ZNF366: variants seen among roughly 807,000 people sequenced by gnomAD.
The protein encoded by ZNF366 is zinc finger protein 366, also known as dendritic cell-specific transcript protein.
In ZNF366, 20 loss-of-function variants were observed where a neutral mutation model predicts 47.2. The observed-to-expected ratio is 0.42, with a 90% CI of 0.30 to 0.62. ZNF366 has a LOEUF of 0.62. Ranked by LOEUF, ZNF366 falls within the 20% of genes least tolerant of loss-of-function variation. The pLI, the probability that ZNF366 is intolerant of heterozygous loss-of-function variation, is 0.16. For missense variants in ZNF366, 987 were observed against 976.3 expected, an observed-to-expected ratio of 1.01 and a Z score of -0.15; for synonymous variants, 421 against 395.1, an observed-to-expected ratio of 1.07 and a Z score of -0.78.
At chr5:72,469,368 A>C (rs1743497434) in intron 1 of ZNF366, among the ~76,000 whole-genome samples, 1 of 152,240 alleles carries the variant, frequency 6.6e-6, no homozygotes, top group Admixed American at 6.5e-5. Context: ...AAAAATATAA[A>C]AGAAATATAC....
chr5:72,501,485 G>A (rs1744209076), intron 1 of ZNF366, among the ~76,000 whole-genome samples: 1 of 152,128 alleles, frequency 6.6e-6, no homozygotes. Flanking sequence ...CTTTAAATTT[G>A]CCAAATAAGT....
rs375906905 is a variant in ZNF366, at chr5:72,442,961, C to T, written c.*795G>A. The T allele has an allele frequency of 2.0e-5, 3 of 152,524 alleles. No individual in the cohort carries two copies. In the East Asian group the frequency reaches 5.8e-4, roughly 29 times the overall value. 9.4% of individuals were successfully genotyped at this position (152,524 alleles called of 1,614,324 possible). A position where few individuals can be genotyped will look rare whatever the true frequency, so the allele number is the denominator to read the frequency against. ...CAGGCGTGAGCCTCTGCGCCCGGCC[C>T]CTGCATCTGTCTTATGGGGCATGAG... On this transcript the variant is annotated 3_prime_UTR_variant, in exon 5 of 5. Transcript: ENST00000318442.
rs79856114 is a variant in ZNF366, at chr5:72,497,190, G to A, written c.-15+10061C>T. ...TGTTTTCATGTATTTCATGTTTTGC[G>A]TCGTAACTAAGAAATCTTTGCCTAA... On this transcript the variant is annotated intron_variant, in intron 1 of 4. Coordinates refer to ENST00000318442, the MANE Select transcript of ZNF366 (RefSeq NM_152625.3). Among the ~76,000 whole-genome samples, 342 of 152,108 alleles carry A rather than the reference G, an allele frequency of 2.2e-3. 3 individuals carry two copies. The highest frequency in any genetic ancestry group is 7.7e-3 in the African/African-American group (319 of 41,512).
chr5:72,466,607 C>T (rs1180604349), intron 1 of ZNF366, among the ~76,000 whole-genome samples: 1 of 152,176 alleles, frequency 6.6e-6, no homozygotes, highest in Non-Finnish European at 1.5e-5. Flanking sequence ...CGGGATGGAA[C>T]CTGGCTCAAA....
intron 1 of ZNF366, among the ~76,000 whole-genome samples, chr5:72,482,609 T>C (rs1050828928): frequency 6.6e-6 from 1 of 152,178 alleles, no homozygotes; most frequent in Non-Finnish European, 1.5e-5. Context: ...AATACATTGC[T>C]TAGAGCTTAA....
chr5:72,486,022 C>T (rs973886452), intron 1 of ZNF366, among the ~76,000 whole-genome samples: 3 of 152,188 alleles, frequency 2.0e-5, no homozygotes, highest in Non-Finnish European at 2.9e-5. Context: ...TCAAGCACTC[C>T]GTATTCTCTC....
chr5:72,491,132 G>T (rs1463383992), intron 1 of ZNF366, among the ~76,000 whole-genome samples: 3 of 152,218 alleles, frequency 2.0e-5, no homozygotes, highest in Admixed American at 1.3e-4. Context: ...TGGTTAGAAA[G>T]AACTCCTAGA....
In ZNF366 at chr5:72,486,880, C is replaced by T. The variant is rs182510459; in HGVS notation, c.-15+20371G>A. ...GCAACCTCTGCATCCCGGGTTCAAG[C>T]GATTTTCCTGCCTCAGCCTCTTGAG... On this transcript the variant is annotated intron_variant, in intron 1 of 4. Transcript: ENST00000318442. Among the ~76,000 whole-genome samples, 29 of 152,072 alleles carry T rather than the reference C, an allele frequency of 1.9e-4. No individual in the cohort carries two copies. In the East Asian group the frequency reaches 5.2e-3, roughly 27 times the overall value.
intron 1 of ZNF366, among the ~76,000 whole-genome samples, chr5:72,500,421 G>A (rs1283073090): frequency 6.6e-6 from 1 of 152,152 alleles, no homozygotes; most frequent in Non-Finnish European, 1.5e-5. Flanking sequence ...AGCTTTGTTA[G>A]ATCTGGGGAA....
intron 1 of ZNF366, among the ~76,000 whole-genome samples, chr5:72,475,215 G>A (rs140100906): frequency 3.1e-4 from 47 of 152,284 alleles, no homozygotes; most frequent in Admixed American, 8.5e-4. Flanking sequence ...TTCCTGTAGG[G>A]CTCAGGGACC....
Position 72,443,583 on chromosome 5 carries a change from C to G in ZNF366, c.*173G>C. On this transcript the variant is annotated 3_prime_UTR_variant, in exon 5 of 5. Transcript: ENST00000318442. The stretch of plus-strand genomic sequence containing the variant: ...CACATGTGTGAAGGGTATCAAGGGC[C>G]CCGTGAATGACCTGAGAAGGCTTTC... The G allele has an allele frequency of 1.5e-6, 1 of 681,470 alleles. No homozygotes were observed. The highest frequency in any genetic ancestry group is 2.0e-5 in the South Asian group (1 of 49,994). The allele number at this position is 681,470 out of a possible 1,614,324, so 42.2% of individuals were successfully genotyped here.
intron 1 of ZNF366, among the ~76,000 whole-genome samples, chr5:72,469,131 C>A (rs966106719): frequency 6.6e-6 from 1 of 152,028 alleles, no homozygotes; most frequent in African/African-American, 2.4e-5. Context: ...CCAGAAAATA[C>A]GATGATCTGC....
chr5:72,494,724 G>A (rs1393064411), intron 1 of ZNF366, among the ~76,000 whole-genome samples: 2 of 151,762 alleles, frequency 1.3e-5, no homozygotes, highest in African/African-American at 4.8e-5. Context: ...TCTGCACTGA[G>A]ACTGAAGTTG....
At chr5:72,501,623 A>G (rs1039188377) in intron 1 of ZNF366, among the ~76,000 whole-genome samples, 4 of 152,206 alleles carry the variant, frequency 2.6e-5, no homozygotes, top group South Asian at 4.1e-4. Context: ...TGTTTTGTCA[A>G]TTCAGCCCAA....
rs1329196470 is a variant in ZNF366, at chr5:72,461,387, T to G, written c.110A>C (p.Lys37Thr). ...CGGGAAGGGGTGTCTTTGGGGAGCC[T>G]TTCCCCGAGAAGCCACTGGCTGCAG... is the stretch of plus-strand genomic sequence containing the variant. ...HCLQPVASRG[K>T]APQRHPFPEA... The change falls in exon 2 of 5, where the codon AAG (lysine) becomes ACG (threonine). Residue 37 changes from lysine to threonine, a missense_variant. By Grantham distance (78) the Lys-to-Thr change is moderately conservative. This residue lies in a region of ZNF366 where 591 missense variants were observed against 560.9 expected (regional missense o/e 1.05). Coordinates refer to ENST00000318442, the MANE Select transcript of ZNF366 (RefSeq NM_152625.3). 3 of 1,613,704 alleles carry G rather than the reference T, an allele frequency of 1.9e-6. No homozygotes were observed.
intron 3 of ZNF366, among the ~76,000 whole-genome samples, chr5:72,452,509 C>A (rs919283683): frequency 2.0e-5 from 3 of 152,162 alleles, no homozygotes; most frequent in Non-Finnish European, 4.4e-5. Flanking sequence ...AAACTCTGAC[C>A]CCAAACACTG....
intron 1 of ZNF366, among the ~76,000 whole-genome samples, chr5:72,505,022 C>T (rs558541041): frequency 6.6e-6 from 1 of 152,148 alleles, no homozygotes; most frequent in Non-Finnish European, 1.5e-5. Context: ...TCCCAGCACA[C>T]AGATCTACAG....
intron 1 of ZNF366, among the ~76,000 whole-genome samples, chr5:72,499,141 A>G (rs1292274880): frequency 6.6e-6 from 1 of 152,218 alleles, no homozygotes; most frequent in Non-Finnish European, 1.5e-5. Context: ...ATTCCTTCAC[A>G]AACATCCCCA....
intron 3 of ZNF366, among the ~76,000 whole-genome samples, chr5:72,453,624 A>T (rs115616078): frequency 0.012 from 1,837 of 152,366 alleles, 17 homozygotes; most frequent in Middle Eastern, 0.031. Flanking sequence ...CTAGTTTACA[A>T]ATGCAAAGAG....
Sources: allele counts gnomAD v4.1 joint callset (sites outside exome capture counted in the v4.1 genomes callset), GRCh38; gene constraint gnomAD v4.1.1; regional missense constraint gnomAD v4.1.1; transcripts MANE v1.5; gene names NCBI Gene and HGNC (gene_info 2026-07-23, HGNC 2026-07-21).